The following IQCM variants were observed in gnomAD, a reference collection of about 807,000 sequenced individuals.
IQCM encodes IQ motif containing M.
In IQCM, 45 loss-of-function variants were observed where a neutral mutation model predicts 57.6. The ratio of observed to expected loss-of-function variants is 0.78; its 90% CI spans 0.62 to 1.00. IQCM has a LOEUF of 1.00. Ranked by LOEUF, IQCM falls within the 50% of genes least tolerant of loss-of-function variation. The pLI is 0.00. For missense variants in IQCM, 468 were observed against 511.6 expected (o/e 0.91, Z 0.82); for synonymous variants, 148 against 158.9 (o/e 0.93, Z 0.51).
chr4:149,389,117 T>C (rs947001874), intron 13 of IQCM, among the ~76,000 whole-genome samples: 12 of 152,000 alleles, frequency 7.9e-5, no homozygotes, highest in Admixed American at 7.9e-4. Context: ...TTAATAGTTT[T>C]CACCCTTATG....
intron 5 of IQCM, among the ~76,000 whole-genome samples, chr4:149,707,983 A>G (rs1580077520): frequency 6.6e-6 from 1 of 151,998 alleles, no homozygotes; most frequent in Non-Finnish European, 1.5e-5. Flanking sequence ...TGATGTTTGC[A>G]ATCTTCCTTC....
chr4:149,613,983 G>A (rs1028828551), intron 8 of IQCM, among the ~76,000 whole-genome samples: 1 of 151,996 alleles, frequency 6.6e-6, no homozygotes, highest in Non-Finnish European at 1.5e-5. Flanking sequence ...TGGACATTTG[G>A]GTTGGTTCCA....
chr4:149,665,467 G>T (rs888411928), intron 7 of IQCM, among the ~76,000 whole-genome samples: 2 of 152,098 alleles, frequency 1.3e-5, no homozygotes, highest in African/African-American at 4.8e-5. Context: ...CCTTTCTATG[G>T]TGCTGTCCTA....
intron 2 of IQCM, among the ~76,000 whole-genome samples, chr4:149,798,142 CATAG>C (rs149985334): frequency 0.028 from 4,329 of 151,994 alleles, 209 homozygotes; most frequent in African/African-American, 0.099. Flanking sequence ...CTTTTCAAGA[CATAG>C]ATAGCACAAT....
intron 8 of IQCM, among the ~76,000 whole-genome samples, chr4:149,610,718 C>T (rs768849525): frequency 9.2e-5 from 14 of 151,720 alleles, no homozygotes; most frequent in East Asian, 1.9e-4. Flanking sequence ...AAAACTCAAA[C>T]GAAAATGAAT....
chr4:149,646,981 T>C (rs1382697405), intron 7 of IQCM, among the ~76,000 whole-genome samples: 2 of 152,190 alleles, frequency 1.3e-5, no homozygotes, highest in Non-Finnish European at 2.9e-5. Context: ...TGAAACTCCA[T>C]CTCCAAAAAT....
At chr4:149,382,173 G>A (rs1417613106) in intron 13 of IQCM, among the ~76,000 whole-genome samples, 1 of 152,006 alleles carries the variant, frequency 6.6e-6, no homozygotes. Context: ...TGAGATCATA[G>A]CTGTTTCCCA....
chr4:149,533,609 C>A (rs1746978240), intron 12 of IQCM, among the ~76,000 whole-genome samples: 1 of 152,020 alleles, frequency 6.6e-6, no homozygotes, highest in South Asian at 2.1e-4. Context: ...ACAGTCATGG[C>A]AGAAGGCAAA....
chr4:149,586,352 C>CA (rs1752641505), intron 9 of IQCM, among the ~76,000 whole-genome samples: 1 of 151,376 alleles, frequency 6.6e-6, no homozygotes, highest in Admixed American at 6.6e-5. Flanking sequence ...TATCTGTTTT[C>CA]AAAAAACTAG....
chr4:149,664,277 C>G (rs193029511), intron 7 of IQCM, among the ~76,000 whole-genome samples: 1 of 151,934 alleles, frequency 6.6e-6, no homozygotes, highest in East Asian at 2.0e-4. Flanking sequence ...TTCTGAATTC[C>G]TTTCAGACAT....
At chr4:149,584,713 A>G (rs575900136) in intron 9 of IQCM, among the ~76,000 whole-genome samples, 1 of 151,914 alleles carries the variant, frequency 6.6e-6, no homozygotes, top group South Asian at 2.1e-4. Context: ...CTGAATATTG[A>G]AATGTTTACA....
At chr4:149,708,555 G>A (rs780051755) in intron 5 of IQCM, among the ~76,000 whole-genome samples, 17 of 151,806 alleles carry the variant, frequency 1.1e-4, no homozygotes, top group Non-Finnish European at 1.9e-4. Context: ...TGAGAAATAG[G>A]GATAAAGATA....
intron 13 of IQCM, among the ~76,000 whole-genome samples, chr4:149,375,123 C>T (rs931202139): frequency 2.0e-5 from 3 of 152,040 alleles, no homozygotes; most frequent in African/African-American, 7.2e-5. Flanking sequence ...GGTATTGAAG[C>T]ACCTTGCTTA....
chr4:149,445,112 C>G (rs556866429), intron 12 of IQCM, among the ~76,000 whole-genome samples: 29 of 151,964 alleles, frequency 1.9e-4, no homozygotes, highest in African/African-American at 6.0e-4. Flanking sequence ...ATTTTGGTGA[C>G]AATCAGCTCT....
At chr4:149,408,860 T>C (rs1560811317) in intron 13 of IQCM, among the ~76,000 whole-genome samples, 1 of 152,090 alleles carries the variant, frequency 6.6e-6, no homozygotes, top group South Asian at 2.1e-4. Flanking sequence ...GTACATAATA[T>C]GAAAGAAAAG....
intron 8 of IQCM, among the ~76,000 whole-genome samples, chr4:149,590,401 T>C (rs1414593961): frequency 6.6e-6 from 1 of 151,856 alleles, no homozygotes; most frequent in Non-Finnish European, 1.5e-5. Context: ...CTCTATTTTC[T>C]CTTAAATTCT....
intron 7 of IQCM, among the ~76,000 whole-genome samples, chr4:149,670,010 G>A (rs1761112667): frequency 6.6e-6 from 1 of 152,092 alleles, no homozygotes; most frequent in Non-Finnish European, 1.5e-5. Context: ...CCAATTATTT[G>A]AAGAAAGTCA....
intron 5 of IQCM, among the ~76,000 whole-genome samples, chr4:149,731,887 AG>A (rs1766494070): frequency 6.6e-6 from 1 of 152,192 alleles, no homozygotes; most frequent in Non-Finnish European, 1.5e-5. Flanking sequence ...TTCTAACCAA[AG>A]AACCCTTTGT....
intron 13 of IQCM, among the ~76,000 whole-genome samples, chr4:149,356,774 C>A (rs921852657): frequency 2.0e-5 from 3 of 152,110 alleles, no homozygotes; most frequent in Non-Finnish European, 4.4e-5. Flanking sequence ...TTTTCCAATT[C>A]TGTGAAGAAA....
Sources: allele counts gnomAD v4.1 joint callset (sites outside exome capture counted in the v4.1 genomes callset), GRCh38; gene constraint gnomAD v4.1.1; transcripts MANE v1.5; gene names NCBI Gene and HGNC (gene_info 2026-07-23, HGNC 2026-07-21).